RBFOX1: variants seen among roughly 807,000 people sequenced by gnomAD.
The protein encoded by RBFOX1 is RNA binding protein fox-1 homolog 1.
In RBFOX1, 8 loss-of-function variants were observed where a neutral mutation model predicts 57.7. The observed-to-expected ratio is 0.14, with a 90% CI of 0.08 to 0.25. The LOEUF is 0.25. Ranked by LOEUF, RBFOX1 falls within the 10% of genes least tolerant of loss-of-function variation. The probability of loss-of-function intolerance (pLI) is 1.00; values close to 1 mark genes in which losing one functional copy is unlikely to be tolerated. For missense variants in RBFOX1, 611 were observed against 548.5 expected, an observed-to-expected ratio of 1.11 and a Z score of -1.14; for synonymous variants, 326 against 222.4, an observed-to-expected ratio of 1.47 and a Z score of -4.15.
rs1219768492 is a variant in RBFOX1, at chr16:5,714,387, A to G, written c.318+115426A>G. Reference sequence around the variant, plus strand: ...TGAGAAGAACTTCCCCATACCAATGACTGGTCACTGGAAATGGATACAGAG... The same window carrying G: ...TGAGAAGAACTTCCCCATACCAATGGCTGGTCACTGGAAATGGATACAGAG... On this transcript the variant is annotated intron_variant, in intron 3 of 19. Transcript: ENST00000641259. 3.3e-5 allele frequency among the ~76,000 whole-genome samples: 5 copies of G among 152,172 alleles called. No homozygotes were observed. The East Asian group carries it at 7.7e-4, about 23-fold the overall frequency.
At chr16:5,602,635 T>A (rs78041896), downstream of RBFOX1, among the ~76,000 whole-genome samples, 5,809 of 152,330 alleles carry the variant, frequency 0.038, 261 homozygotes, top group African/African-American at 0.11. Flanking sequence ...GAAAGGCAGA[T>A]GGAAAGTTCA....
chr16:7,364,850 A>T (rs1205060450), intron 4 of RBFOX1, among the ~76,000 whole-genome samples: 8 of 152,212 alleles, frequency 5.3e-5, no homozygotes, highest in African/African-American at 1.9e-4. Flanking sequence ...CTGCTTACTA[A>T]CAAGGAAGAG....
chr16:6,213,667 A>G (rs967303567), intron 1 of RBFOX1, among the ~76,000 whole-genome samples: 1 of 152,190 alleles, frequency 6.6e-6, no homozygotes, highest in Non-Finnish European at 1.5e-5. Flanking sequence ...TAATAAAGAG[A>G]AGAAGAAATA....
chr16:7,601,176 C>G (rs1035738028), intron 9 of RBFOX1, among the ~76,000 whole-genome samples: 2 of 152,138 alleles, frequency 1.3e-5, no homozygotes, highest in African/African-American at 2.4e-5. Context: ...CAGAGAGAGG[C>G]ATACTTTGTT....
At chr16:6,100,999 G>C (rs1365118516) in intron 1 of RBFOX1, among the ~76,000 whole-genome samples, 1 of 152,136 alleles carries the variant, frequency 6.6e-6, no homozygotes, top group African/African-American at 2.4e-5. Flanking sequence ...TAAAGGTACA[G>C]GTTCCTCCTA....
chr16:7,403,062 A>T (rs1259986398), intron 4 of RBFOX1, among the ~76,000 whole-genome samples: 4 of 152,302 alleles, frequency 2.6e-5, no homozygotes, highest in South Asian at 4.1e-4. Flanking sequence ...CTCCTGGATT[A>T]TCTGACCACT....
intron 3 of RBFOX1, among the ~76,000 whole-genome samples, chr16:6,810,026 C>G (rs1282593628): frequency 7.5e-6 from 1 of 132,994 alleles, no homozygotes; most frequent in Non-Finnish European, 1.6e-5. Flanking sequence ...TTCTCTCTCA[C>G]CTTTTTTTTT....
In RBFOX1 at chr16:7,424,363, G is replaced by A. The variant is rs753340673; in HGVS notation, c.28-93784G>A. On this transcript the variant is annotated intron_variant, in intron 4 of 15. Transcript: ENST00000550418. The stretch of plus-strand genomic sequence containing the variant: ...CAACCTCTGCATCCCAGGTTCAAGC[G>A]ATGCTCCTGCCTCAGCCTCCCGAGT... Among the ~76,000 whole-genome samples the A allele has an allele frequency of 3.9e-5, 6 of 152,228 alleles. No individual in the cohort carries two copies. In the South Asian group the frequency reaches 8.3e-4, roughly 21 times the overall value.
intron 3 of RBFOX1, among the ~76,000 whole-genome samples, chr16:6,750,010 G>C (rs902363382): frequency 2.0e-5 from 3 of 152,094 alleles, no homozygotes; most frequent in Non-Finnish European, 4.4e-5. Flanking sequence ...CTGTCTAGCA[G>C]TCTTGGGTTG....
At chr16:7,550,905 C>A (rs1391166326) in intron 5 of RBFOX1, among the ~76,000 whole-genome samples, 2 of 151,838 alleles carry the variant, frequency 1.3e-5, no homozygotes, top group East Asian at 1.9e-4. Flanking sequence ...ACCAGCCTGG[C>A]CAACATGGTG....
chr16:5,427,108 C>A (rs1231879469), intron 1 of RBFOX1, among the ~76,000 whole-genome samples: 1 of 152,170 alleles, frequency 6.6e-6, no homozygotes, highest in African/African-American at 2.4e-5. Context: ...CTGTCCCTTC[C>A]CTGTCATCCT....
intron 1 of RBFOX1, among the ~76,000 whole-genome samples, chr16:6,205,875 T>TC (rs1385426155): frequency 2.1e-5 from 3 of 145,348 alleles, no homozygotes; most frequent in African/African-American, 7.7e-5. Flanking sequence ...TTTTTTTTTT[T>TC]TTTTTTGGCT....
At chr16:7,093,731 C>T (rs571020593) in intron 4 of RBFOX1, among the ~76,000 whole-genome samples, 15 of 152,254 alleles carry the variant, frequency 9.9e-5, no homozygotes, top group South Asian at 8.3e-4. Context: ...CGCTATTTTC[C>T]GCTTGAGCAC....
At chr16:6,177,190 T>G (rs538250922) in intron 1 of RBFOX1, among the ~76,000 whole-genome samples, 112 of 152,028 alleles carry the variant, frequency 7.4e-4, no homozygotes, top group South Asian at 5.8e-3. Context: ...TTGTTTGTTT[T>G]TTTTTTTTTT....
At chr16:6,684,509 T>C (rs946045689) in intron 3 of RBFOX1, among the ~76,000 whole-genome samples, 1 of 152,282 alleles carries the variant, frequency 6.6e-6, no homozygotes, top group Middle Eastern at 3.4e-3. Flanking sequence ...GCTTGTGCCA[T>C]CTTAGAAATT....
At chr16:6,788,105 C>G (rs957831539) in intron 3 of RBFOX1, among the ~76,000 whole-genome samples, 2 of 152,206 alleles carry the variant, frequency 1.3e-5, no homozygotes, top group South Asian at 2.1e-4. Context: ...GCCTGTAATC[C>G]TAGCTACTGG....
At chr16:6,184,038 C>CAA (rs2097088448) in intron 1 of RBFOX1, among the ~76,000 whole-genome samples, 1 of 152,044 alleles carries the variant, frequency 6.6e-6, no homozygotes, top group South Asian at 2.1e-4. Flanking sequence ...TGCCAGAAGG[C>CAA]AAAAGGCATG....
intron 3 of RBFOX1, among the ~76,000 whole-genome samples, chr16:7,039,887 T>C (rs548913483): frequency 2.6e-5 from 4 of 151,944 alleles, no homozygotes; most frequent in Non-Finnish European, 4.4e-5. Flanking sequence ...ACTTTTACTT[T>C]CCTACTGAAG....
intron 3 of RBFOX1, among the ~76,000 whole-genome samples, chr16:5,858,058 A>G (rs966260190): frequency 1.1e-4 from 16 of 152,192 alleles, no homozygotes; most frequent in Admixed American, 8.5e-4. Flanking sequence ...GTCAGTGGAA[A>G]GGAGGGTTTT....
Sources: allele counts gnomAD v4.1 joint callset (sites outside exome capture counted in the v4.1 genomes callset), GRCh38; gene constraint gnomAD v4.1.1; transcripts MANE v1.5; gene names NCBI Gene and HGNC (gene_info 2026-07-23, HGNC 2026-07-21).